The following COG5 variants were observed in gnomAD, a reference collection of about 807,000 sequenced individuals.
The protein encoded by COG5 is component of oligomeric golgi complex 5, also known as conserved oligomeric Golgi complex subunit 5.
A neutral mutation model predicts 110.4 loss-of-function variants in COG5; 86 were observed. The ratio of observed to expected loss-of-function variants is 0.78; its 90% confidence interval spans 0.65 to 0.93. The LOEUF is 0.93. Among genes scored for constraint, COG5 ranks in the 40% least tolerant of loss-of-function variants. The pLI, the probability that COG5 is intolerant of heterozygous loss-of-function variation, is 0.00. For missense variants in COG5, 1,077 were observed against 987.0 expected (o/e 1.09, Z -1.22); for synonymous variants, 360 against 334.6 (o/e 1.08, Z -0.83).
intron 8 of COG5, among the ~76,000 whole-genome samples, chr7:107,367,593 C>G (rs961563430): frequency 6.6e-6 from 1 of 151,834 alleles, no homozygotes; most frequent in East Asian, 1.9e-4. Context: ...CACCATGGAA[C>G]ACTACTCAGC....
chr7:107,382,729 G>A (rs572680433), intron 7 of COG5, among the ~76,000 whole-genome samples: 4 of 152,216 alleles, frequency 2.6e-5, no homozygotes, highest in Admixed American at 1.3e-4. Flanking sequence ...ATGAGCCACC[G>A]CACCCAGCCT....
chr7:107,346,989 T>C (rs1811669466), intron 10 of COG5, among the ~76,000 whole-genome samples: 1 of 152,198 alleles, frequency 6.6e-6, no homozygotes, highest in Non-Finnish European at 1.5e-5. Flanking sequence ...GTGTTCACCA[T>C]TTCAATTTTG....
chr7:107,466,208 C>T (rs1489671553), intron 6 of COG5, among the ~76,000 whole-genome samples: 1 of 151,902 alleles, frequency 6.6e-6, no homozygotes. Context: ...AAACAGTAAA[C>T]CAGAAAACTG....
At chr7:107,252,625 A>C (rs1034243718) in intron 16 of COG5, among the ~76,000 whole-genome samples, 1 of 152,226 alleles carries the variant, frequency 6.6e-6, no homozygotes, top group Non-Finnish European at 1.5e-5. Flanking sequence ...ATACCTTATG[A>C]ATATAGATGT....
chr7:107,484,046 T>C (rs1203888748), intron 6 of COG5, among the ~76,000 whole-genome samples: 1 of 152,136 alleles, frequency 6.6e-6, no homozygotes, highest in Admixed American at 6.5e-5. Context: ...ATATATATCC[T>C]CCCTTATCCT....
intron 18 of COG5, among the ~76,000 whole-genome samples, chr7:107,231,930 C>T (rs1800804191): frequency 6.6e-6 from 1 of 152,278 alleles, no homozygotes; most frequent in Admixed American, 6.5e-5. Context: ...TATAAACACA[C>T]ATACATACAC....
chr7:107,424,505 C>CTT (rs11376252), intron 6 of COG5, among the ~76,000 whole-genome samples: 78 of 136,094 alleles, frequency 5.7e-4, no homozygotes, highest in South Asian at 1.2e-3. Context: ...CTCAACAAAA[C>CTT]TTTTTTTTTT....
At chr7:107,209,656 A>T (rs1799022932) in intron 21 of COG5, 1 of 240,482 alleles carries the variant, frequency 4.2e-6, no homozygotes, top group Admixed American at 6.5e-5. Flanking sequence ...TGGCCAGAGA[A>T]GTTAGAACAG....
At chr7:107,230,166 T>C (rs990171614) in intron 19 of COG5, among the ~76,000 whole-genome samples, 14 of 152,168 alleles carry the variant, frequency 9.2e-5, no homozygotes, top group Non-Finnish European at 1.9e-4. Context: ...CTTGATTCTT[T>C]TAATACTTCA....
At chr7:107,291,116 G>T (rs1336857092) in intron 12 of COG5, among the ~76,000 whole-genome samples, 1 of 152,102 alleles carries the variant, frequency 6.6e-6, no homozygotes, top group African/African-American at 2.4e-5. Flanking sequence ...AACTGGGAAG[G>T]TTTCATTCAC....
intron 8 of COG5, among the ~76,000 whole-genome samples, chr7:107,365,594 G>GAAAAAA: frequency 3.3e-4 from 1 of 3,000 alleles, no homozygotes; most frequent in Non-Finnish European, 7.8e-4. Flanking sequence ...ATTGCAAAAT[G>GAAAAAA]ACAAAAAAAA....
chr7:107,511,246 A>G (rs1401873064), intron 6 of COG5, among the ~76,000 whole-genome samples: 2 of 152,226 alleles, frequency 1.3e-5, no homozygotes, highest in Non-Finnish European at 2.9e-5. Context: ...ACAAACTACC[A>G]TCACAGAATA....
chr7:107,502,312 CT>C, intron 6 of COG5, among the ~76,000 whole-genome samples: 1 of 152,226 alleles, frequency 6.6e-6, no homozygotes, highest in Non-Finnish European at 1.5e-5. Flanking sequence ...TGGCCTCCAG[CT>C]TAATCCATGT....
At chr7:107,378,177 G>A (rs544092514) in intron 7 of COG5, among the ~76,000 whole-genome samples, 1 of 152,094 alleles carries the variant, frequency 6.6e-6, no homozygotes, top group Admixed American at 6.6e-5. Context: ...GCAGCAGAGG[G>A]GTCTGACCGT....
intron 6 of COG5, among the ~76,000 whole-genome samples, chr7:107,496,664 A>AG (rs1310751114): frequency 6.6e-6 from 1 of 151,408 alleles, no homozygotes; most frequent in African/African-American, 2.4e-5. Flanking sequence ...TCTCAAAAAA[A>AG]AAACAAAAAA....
intron 21 of COG5, among the ~76,000 whole-genome samples, chr7:107,206,302 A>G (rs1798782037): frequency 6.6e-6 from 1 of 152,234 alleles, no homozygotes; most frequent in Non-Finnish European, 1.5e-5. Flanking sequence ...TACTCAGCTC[A>G]CATACCCAGT....
At chr7:107,537,093 G>C (rs115363112) in intron 5 of COG5, among the ~76,000 whole-genome samples, 66 of 152,236 alleles carry the variant, frequency 4.3e-4, no homozygotes, top group African/African-American at 1.5e-3. Flanking sequence ...ACTGAAACTG[G>C]AGCCCTTCCT....
intron 6 of COG5, among the ~76,000 whole-genome samples, chr7:107,511,001 A>C (rs1799460132): frequency 1.3e-5 from 2 of 151,992 alleles, no homozygotes; most frequent in South Asian, 4.2e-4. Context: ...AAGCAAGAGC[A>C]AACACATTCA....
At chr7:107,479,132 G>A (rs1191688612) in intron 6 of COG5, among the ~76,000 whole-genome samples, 1 of 151,950 alleles carries the variant, frequency 6.6e-6, no homozygotes, top group Non-Finnish European at 1.5e-5. Context: ...TATAAAAGAA[G>A]AATAAAGTTC....
Sources: gnomAD v4.1 joint callset for allele counts (sites outside exome capture counted in the v4.1 genomes callset) on GRCh38, gnomAD v4.1.1 for gene constraint, MANE v1.5 for transcripts, NCBI Gene and HGNC (gene_info 2026-07-23, HGNC 2026-07-21) for gene names.